LARGE1: variants seen among roughly 807,000 people sequenced by gnomAD.
LARGE1 encodes LARGE xylosyl- and glucuronyltransferase 1.
LARGE1 carries 43 observed loss-of-function variants against 87.6 expected under a neutral mutation model. That is an observed-to-expected ratio of 0.49 (90% CI 0.38 to 0.63). LARGE1 has a LOEUF of 0.63. Ranked by LOEUF, LARGE1 falls within the 30% of genes least tolerant of loss-of-function variation. LARGE1 has a pLI of 0.00. For missense variants in LARGE1, 802 were observed against 1,000.2 expected (o/e 0.80, Z 2.67); for synonymous variants, 434 against 394.6 (o/e 1.10, Z -1.18).
intron 6 of LARGE1, among the ~76,000 whole-genome samples, chr22:33,453,323 G>C (rs2068012628): frequency 1.3e-5 from 2 of 152,036 alleles, no homozygotes; most frequent in African/African-American, 4.8e-5. Context: ...GCTGAGGCAG[G>C]AGAATCGCTT....
chr22:33,079,552 C>A, the LARGE1 span, among the ~76,000 whole-genome samples: 3 of 151,946 alleles, frequency 2.0e-5, no homozygotes, highest in African/African-American at 7.2e-5. Flanking sequence ...TTATTACCTA[C>A]AACTTTTATT....
intron 1 of LARGE1, among the ~76,000 whole-genome samples, chr22:33,771,478 C>A (rs2085066800): frequency 6.6e-6 from 1 of 152,208 alleles, no homozygotes; most frequent in South Asian, 2.1e-4. Flanking sequence ...AGTAAACTCA[C>A]TTCTCCAACC....
intron 1 of LARGE1, among the ~76,000 whole-genome samples, chr22:33,827,581 G>T (rs1039781130): frequency 6.6e-6 from 1 of 152,180 alleles, no homozygotes; most frequent in African/African-American, 2.4e-5. Context: ...TTCACTCCTG[G>T]ACAATACGAA....
At chr22:33,068,729 A>G in the LARGE1 span, among the ~76,000 whole-genome samples, 1 of 152,182 alleles carries the variant, frequency 6.6e-6, no homozygotes, top group African/African-American at 2.4e-5. Flanking sequence ...TCCCAGAGTG[A>G]CTATCTCTGC....
At chr22:33,420,303 A>G (rs1352089424) in intron 7 of LARGE1, among the ~76,000 whole-genome samples, 1 of 152,182 alleles carries the variant, frequency 6.6e-6, no homozygotes, top group African/African-American at 2.4e-5. Context: ...GATTGGGTGC[A>G]TTCAGGGTGG....
At chr22:33,119,798 T>G in the LARGE1 span, among the ~76,000 whole-genome samples, 1 of 152,196 alleles carries the variant, frequency 6.6e-6, no homozygotes, top group African/African-American at 2.4e-5. Context: ...CACTGACACG[T>G]GTGGAGTGCC....
At chr22:33,486,292 A>G (rs1300515391) in intron 6 of LARGE1, among the ~76,000 whole-genome samples, 1 of 152,244 alleles carries the variant, frequency 6.6e-6, no homozygotes, top group East Asian at 1.9e-4. Flanking sequence ...CAGAGAAGAC[A>G]GCATGAAGTT....
chr22:33,351,694 T>C (rs1032442784), intron 9 of LARGE1, among the ~76,000 whole-genome samples: 3 of 152,102 alleles, frequency 2.0e-5, no homozygotes, highest in Non-Finnish European at 2.9e-5. Context: ...TCCACTTCCA[T>C]TGCAGGGTAG....
intron 9 of LARGE1, among the ~76,000 whole-genome samples, chr22:33,345,460 T>G (rs545780168): frequency 6.6e-6 from 1 of 152,290 alleles, no homozygotes; most frequent in South Asian, 2.1e-4. Context: ...TGATTTAGGA[T>G]TTCCCAGATA....
chr22:33,429,618 C>G (rs1183050023), intron 7 of LARGE1, among the ~76,000 whole-genome samples: 1 of 152,156 alleles, frequency 6.6e-6, no homozygotes, highest in Non-Finnish European at 1.5e-5. Flanking sequence ...CTTGATGCAG[C>G]ATCCCTGAGG....
chr22:33,763,006 T>C (rs1161285798), intron 1 of LARGE1, among the ~76,000 whole-genome samples: 1 of 152,214 alleles, frequency 6.6e-6, no homozygotes, highest in Non-Finnish European at 1.5e-5. Flanking sequence ...TATTCCCAAA[T>C]GCATCCTTCC....
intron 13 of LARGE1, among the ~76,000 whole-genome samples, chr22:33,281,821 C>T (rs1930494626): frequency 6.6e-6 from 1 of 152,124 alleles, no homozygotes; most frequent in Non-Finnish European, 1.5e-5. Context: ...AAAATGATAG[C>T]CTCTGAACTG....
At chr22:33,179,141 C>T (rs767450656) in intron 11 of LARGE1, among the ~76,000 whole-genome samples, 2 of 152,180 alleles carry the variant, frequency 1.3e-5, no homozygotes, top group African/African-American at 2.4e-5. Context: ...TCTCCATTAT[C>T]CCACCTCCAA....
chr22:33,380,392 A>T (rs2065120301), intron 9 of LARGE1, among the ~76,000 whole-genome samples: 1 of 152,252 alleles, frequency 6.6e-6, no homozygotes, highest in South Asian at 2.1e-4. Flanking sequence ...CAGTTAAAAA[A>T]AAGTTCTTTC....
intron 6 of LARGE1, among the ~76,000 whole-genome samples, chr22:33,529,398 T>C (rs1393281368): frequency 6.6e-6 from 1 of 152,230 alleles, no homozygotes; most frequent in African/African-American, 2.4e-5. Flanking sequence ...GGTTGCCCCA[T>C]TACCTACTGG....
At chr22:33,824,117 C>T (rs901411954) in intron 1 of LARGE1, among the ~76,000 whole-genome samples, 10 of 152,138 alleles carry the variant, frequency 6.6e-5, no homozygotes, top group African/African-American at 1.4e-4. Context: ...GCCACATGCC[C>T]GATTGAGTTT....
At chr22:33,346,083 T>C (rs900461529) in intron 9 of LARGE1, among the ~76,000 whole-genome samples, 1 of 152,194 alleles carries the variant, frequency 6.6e-6, no homozygotes, top group Non-Finnish European at 1.5e-5. Context: ...CTCCCACTTA[T>C]GATTCCAGCT....
At chr22:33,856,958 T>C (rs2146553812) in intron 1 of LARGE1, among the ~76,000 whole-genome samples, 1 of 151,922 alleles carries the variant, frequency 6.6e-6, no homozygotes, top group South Asian at 2.1e-4. Flanking sequence ...TGAGACAGAG[T>C]CTCGCTCTGT....
intron 11 of LARGE1, among the ~76,000 whole-genome samples, chr22:33,206,881 G>A (rs567956063): frequency 1.3e-5 from 2 of 152,248 alleles, no homozygotes; most frequent in African/African-American, 4.8e-5. Flanking sequence ...ATGGCATATT[G>A]GGCAGATCCC....
Sources: gnomAD v4.1 joint callset for allele counts (sites outside exome capture counted in the v4.1 genomes callset) on GRCh38, gnomAD v4.1.1 for gene constraint, MANE v1.5 for transcripts, NCBI Gene and HGNC (gene_info 2026-07-23, HGNC 2026-07-21) for gene names.